TMPRSS15: variants seen among roughly 807,000 people sequenced by gnomAD.
TMPRSS15 encodes transmembrane serine protease 15.
In TMPRSS15, 128 loss-of-function variants were observed where a neutral mutation model predicts 125.3. The observed-to-expected ratio is 1.02, with a 90% CI of 0.89 to 1.18. The LOEUF is 1.18. Ranked by LOEUF, TMPRSS15 falls within the 50% of genes most tolerant of loss-of-function variation. The pLI, the probability that TMPRSS15 is intolerant of heterozygous loss-of-function variation, is 0.00. For synonymous variants in TMPRSS15, 446 were observed against 423.2 expected, an observed-to-expected ratio of 1.05 and a Z score of -0.66; for missense variants, 1,283 against 1,212.7, an observed-to-expected ratio of 1.06 and a Z score of -0.86.
chr21:18,372,380 A>G (rs2075800909), intron 5 of TMPRSS15, 56 bp from the exon 6 acceptor site: 2 of 1,566,762 alleles, frequency 1.3e-6, no homozygotes, highest in Non-Finnish European at 1.8e-6. Flanking sequence ...CAATGTTTAA[A>G]TATTTAATAG....
At chr21:18,475,386 G>T (rs954700825) in intron 1 of TMPRSS15, among the ~76,000 whole-genome samples, 27 of 152,114 alleles carry the variant, frequency 1.8e-4, no homozygotes, top group Non-Finnish European at 3.4e-4. Flanking sequence ...GGCCACACAC[G>T]TTAGAGACCA....
chr21:18,384,633 T>G (rs1197229980), intron 3 of TMPRSS15, among the ~76,000 whole-genome samples: 1 of 152,222 alleles, frequency 6.6e-6, no homozygotes, highest in Non-Finnish European at 1.5e-5. Context: ...GCTATCATTT[T>G]AGGGTATGAC....
intron 18 of TMPRSS15, among the ~76,000 whole-genome samples, chr21:18,300,851 A>G (rs2074964198): frequency 6.6e-6 from 1 of 152,162 alleles, no homozygotes; most frequent in Non-Finnish European, 1.5e-5. Context: ...CCAAATTTTT[A>G]AGAATAATGG....
intron 22 of TMPRSS15, 78 bp downstream of exon 22, chr21:18,280,962 G>T: frequency 1.4e-6 from 2 of 1,425,686 alleles, no homozygotes; most frequent in South Asian, 2.3e-5. Context: ...TTAATGCATT[G>T]ACATTGATAA....
chr21:18,352,949 A>T lies in TMPRSS15; in HGVS notation c.1125T>A (p.Ser375=), dbSNP rs576598283. 3 of 1,612,530 alleles carry T rather than the reference A, an allele frequency of 1.9e-6. No individual in the cohort carries two copies. In the South Asian group the frequency reaches 3.3e-5, roughly 18 times the overall value. Residue 375 remains serine, a synonymous_variant, in exon 10 of 25, where the codon TCT becomes TCA. Transcript: ENST00000284885. ...GGTCAAAATTGGGTCCAGTAAAAGG[A>T]GAAAAGGTGCTTCCCTGAATCCTTT... ...EWERIQGSTF[S]PFTGPNFDHT... is the part of the protein sequence containing the mutation.
chr21:18,436,678 C>A (rs1400764572), intron 1 of TMPRSS15, among the ~76,000 whole-genome samples: 1 of 150,718 alleles, frequency 6.6e-6, no homozygotes, highest in Non-Finnish European at 1.5e-5. Context: ...CATGAGTGAA[C>A]TCCCATTCAC....
chr21:18,281,070 TC>T lies in TMPRSS15; in HGVS notation c.2637del (p.Met879IlefsTer8), dbSNP rs1186013968. 11 of 1,614,004 alleles carry T rather than the reference TC, an allele frequency of 6.8e-6. No homozygotes were observed. In the South Asian group the frequency reaches 1.2e-4, roughly 18 times the overall value. ...TAATTCACTTTAAATTCCAGATGCATCATGGCAATGTCGTTGTCCTTTCTTC... is the reference window on the plus strand; with the variant it reads ...TAATTCACTTTAAATTCCAGATGCATATGGCAATGTCGTTGTCCTTTCTTC... Reference protein sequence around the residue: ...NRRRKDNDIAMMHLEFKVNYT... With the variant: ...NRRRKDNDIAXMHLEFKVNYT... On this transcript the variant is annotated frameshift_variant, in exon 22 of 25. Coordinates refer to ENST00000284885, the MANE Select transcript of TMPRSS15 (RefSeq NM_002772.3). LOFTEE classifies it high-confidence loss of function.
At position 18,381,937 on chromosome 21, in the gene TMPRSS15, T is replaced by C. The variant is rs116928210; in HGVS notation, c.496+1690A>G. Among the ~76,000 whole-genome samples, 244 of 152,128 alleles carry C rather than the reference T, an allele frequency of 1.6e-3. 1 individual carries two copies. Among genetic ancestry groups the C allele is most frequent in the Non-Finnish European group, 3.1e-3 (209 of 67,970 alleles). ...ACAACAAACTCCCATGACACAAGTT[T>C]ACCTATATAACAAACCTGTATATGT... On this transcript the variant is annotated intron_variant, in intron 4 of 24. Transcript: ENST00000284885.
intron 3 of TMPRSS15, among the ~76,000 whole-genome samples, chr21:18,392,363 C>A (rs943508878): frequency 6.6e-6 from 1 of 152,202 alleles, no homozygotes; most frequent in Non-Finnish European, 1.5e-5. Flanking sequence ...CAAAATTCCA[C>A]AGATCTCTAG....
At chr21:18,295,344 T>C (rs1167573844) in intron 19 of TMPRSS15, among the ~76,000 whole-genome samples, 1 of 152,236 alleles carries the variant, frequency 6.6e-6, no homozygotes, top group Non-Finnish European at 1.5e-5. Context: ...TGCATTATAC[T>C]TATCAGCCAC....
At chr21:18,321,688 A>T (rs976680048) in intron 16 of TMPRSS15, among the ~76,000 whole-genome samples, 1 of 152,100 alleles carries the variant, frequency 6.6e-6, no homozygotes, top group South Asian at 2.1e-4. Flanking sequence ...AATTTTTTCT[A>T]AAAGAACCAC....
At chr21:18,398,777 G>C (rs1397420495) in intron 1 of TMPRSS15, among the ~76,000 whole-genome samples, 1 of 152,078 alleles carries the variant, frequency 6.6e-6, no homozygotes, top group East Asian at 1.9e-4. Context: ...ACTGGGTTTT[G>C]ACATATGAAT....
At chr21:18,325,714 C>T (rs190689060) in intron 16 of TMPRSS15, among the ~76,000 whole-genome samples, 1 of 152,000 alleles carries the variant, frequency 6.6e-6, no homozygotes, top group Non-Finnish European at 1.5e-5. Context: ...TTCTATGAGA[C>T]AATTCATAGT....
intron 18 of TMPRSS15, among the ~76,000 whole-genome samples, chr21:18,306,219 A>C (rs1263503387): frequency 6.6e-6 from 1 of 152,134 alleles, no homozygotes; most frequent in Non-Finnish European, 1.5e-5. Context: ...ATTTTGGGAC[A>C]TTGGCAGAAA....
chr21:18,306,760 AT>A (rs1478277769), intron 18 of TMPRSS15, among the ~76,000 whole-genome samples: 1 of 152,128 alleles, frequency 6.6e-6, no homozygotes. Flanking sequence ...TTGCTAGGAA[AT>A]ACCATTAAAA....
chr21:18,467,400 TATAATAATA>T (rs367778639), intron 1 of TMPRSS15, among the ~76,000 whole-genome samples: 11 of 150,314 alleles, frequency 7.3e-5, no homozygotes, highest in Admixed American at 2.0e-4. Flanking sequence ...GAATGAAAAG[TATAATAATA>T]ATAATAATAA....
intron 3 of TMPRSS15, among the ~76,000 whole-genome samples, chr21:18,390,072 GTTA>G (rs1156815780): frequency 4.6e-5 from 7 of 152,074 alleles, no homozygotes; most frequent in African/African-American, 1.7e-4. Flanking sequence ...AACATGCTAC[GTTA>G]TTTTTTATCT....
intron 1 of TMPRSS15, among the ~76,000 whole-genome samples, chr21:18,430,319 C>A (rs991430771): frequency 6.6e-6 from 1 of 152,040 alleles, no homozygotes; most frequent in East Asian, 1.9e-4. Flanking sequence ...TAGTATCTGT[C>A]CAAAACATTT....
chr21:18,440,163 A>G (rs2076237726), intron 1 of TMPRSS15, among the ~76,000 whole-genome samples: 1 of 151,796 alleles, frequency 6.6e-6, no homozygotes, highest in Non-Finnish European at 1.5e-5. Flanking sequence ...TCACGAGGTC[A>G]GGAGATTGAG....
Sources: gnomAD v4.1 joint callset for allele counts (sites outside exome capture counted in the v4.1 genomes callset) on GRCh38, gnomAD v4.1.1 for gene constraint, MANE v1.5 for transcripts, NCBI Gene and HGNC (gene_info 2026-07-23, HGNC 2026-07-21) for gene names.